The following CEP295 variants were observed in gnomAD, a reference collection of about 807,000 sequenced individuals.
CEP295 encodes the protein centrosomal protein of 295 kDa.
Under a neutral mutation model 291.6 loss-of-function variants are expected in CEP295, and 190 were observed. That is an observed-to-expected ratio of 0.65 (90% CI 0.58 to 0.73). The LOEUF (loss-of-function observed/expected upper bound fraction) is 0.73, where lower values mean the gene tolerates loss of function less well. Ranked by LOEUF, CEP295 falls within the 30% of genes least tolerant of loss-of-function variation. CEP295 has a pLI of 0.00. For missense variants in CEP295, 2,863 were observed against 2,949.4 expected, an observed-to-expected ratio of 0.97 and a Z score of 0.68; for synonymous variants, 993 against 1,038.8, an observed-to-expected ratio of 0.96 and a Z score of 0.85.
chr11:93,697,849 G>A lies in CEP295; in HGVS notation c.2937G>A (p.Gln979=). The A allele has an allele frequency of 6.4e-7, 1 of 1,551,698 alleles. No individual in the cohort carries two copies. Among genetic ancestry groups the A allele is most frequent in the Non-Finnish European group, 8.7e-7 (1 of 1,146,988 alleles). ...EAQEVLYVHK[Q]SELDRRVCSE... is the part of the protein sequence containing the mutation. Reference sequence around the variant, plus strand: ...AGGAAGTATTGTATGTACATAAACAGAGTGAATTGGATAGAAGAGTATGTT... The same window carrying A: ...AGGAAGTATTGTATGTACATAAACAAAGTGAATTGGATAGAAGAGTATGTT... The change falls in exon 15 of 30, where the codon CAG becomes CAA. Residue 979 remains glutamine, a synonymous_variant. Coordinates refer to ENST00000325212, the MANE Select transcript of CEP295 (RefSeq NM_033395.2).
At chr11:93,687,374 T>A (rs1169358219) in intron 9 of CEP295, among the ~76,000 whole-genome samples, 1 of 152,214 alleles carries the variant, frequency 6.6e-6, no homozygotes, top group Non-Finnish European at 1.5e-5. Flanking sequence ...CCTGATAAGT[T>A]TTTTAGGCTT....
At chr11:93,729,023 T>A (rs1372150986) in intron 25 of CEP295, 1 of 538,434 alleles carries the variant, frequency 1.9e-6, no homozygotes, top group Admixed American at 3.6e-5. Flanking sequence ...CCACTCCAAT[T>A]TATGCCTGTC....
chr11:93,722,034 G>C lies in CEP295; in HGVS notation c.5931G>C (p.Leu1977Phe), dbSNP rs199966374. 5.2e-6 allele frequency: 8 copies of C among 1,550,820 alleles called. No homozygotes were observed. Among genetic ancestry groups the C allele is most frequent in the Non-Finnish European group, 7.0e-6 (8 of 1,143,226 alleles). The change falls in exon 20 of 30, where the codon TTG becomes TTC. Residue 1977 changes from leucine to phenylalanine, a missense_variant. Leu to Phe is a conservative substitution (Grantham distance 22). Transcript: ENST00000325212. ...TTTTAAGTTATGAAAACACAGATTTGAGCCTTACAGATCCAGGTAATAAGG... is the reference window on the plus strand; with the variant it reads ...TTTTAAGTTATGAAAACACAGATTTCAGCCTTACAGATCCAGGTAATAAGG... ...GSLLSYENTD[L>F]SLTDPESFSE...
In CEP295 at chr11:93,706,898, G is replaced by T. The variant is rs566472770; in HGVS notation, c.5749+1G>T. ...TGTGGTGATGACTATGATGAAGCAG[G>T]TGAGAAATAAATGGAAAGTGGAATT... On this transcript the variant is annotated splice_donor_variant, in intron 18 of 29. Coordinates refer to ENST00000325212, the MANE Select transcript of CEP295 (RefSeq NM_033395.2). LOFTEE classifies it high-confidence loss of function. 43 of 1,527,046 alleles carry T rather than the reference G, an allele frequency of 2.8e-5. No individual in the cohort carries two copies. The highest frequency in any genetic ancestry group is 1.5e-4 in the Admixed American group (7 of 46,824). The allele number at this position is 1,527,046 out of a possible 1,614,324, so 94.6% of individuals were successfully genotyped here.
At position 93,720,785 on chromosome 11, in the gene CEP295, T is replaced by C. The variant is rs117207220; in HGVS notation, c.5750-527T>C. ...CTAATGTTTGTAATTTTTGTAGAGA[T>C]GAGGTTTCACTGTGTTGCCTAGGCT... On this transcript the variant is annotated intron_variant, in intron 18 of 29. Coordinates refer to ENST00000325212, the MANE Select transcript of CEP295 (RefSeq NM_033395.2). 8.0e-3 allele frequency among the ~76,000 whole-genome samples: 1,210 copies of C among 152,174 alleles called. 21 individuals carry two copies. The highest frequency in any genetic ancestry group is 0.053 in the East Asian group (272 of 5,168).
Position 93,695,541 on chromosome 11 carries a change from T to G in CEP295, c.1578T>G (p.Leu526=). The G allele has an allele frequency of 6.8e-7, 1 of 1,475,668 alleles. No individual in the cohort carries two copies. The highest frequency in any genetic ancestry group is 8.9e-7 in the Non-Finnish European group (1 of 1,122,460). 91.4% of individuals were successfully genotyped at this position (1,475,668 alleles called of 1,614,324 possible). The change falls in exon 13 of 30, where the codon CTT becomes CTG. Residue 526 remains leucine, a synonymous_variant. Transcript: ENST00000325212. ...EEQKQKQLEL[L]EQIEQQKLRL... is the part of the protein sequence containing the mutation. ...AGAAGCAAAAGCAATTGGAATTACT[T>G]GAACAAATTGAACAGCAGAAATTAA...
chr11:93,720,918 C>G (rs1281168505), intron 18 of CEP295, among the ~76,000 whole-genome samples: 4 of 152,094 alleles, frequency 2.6e-5, no homozygotes, highest in African/African-American at 9.7e-5. Context: ...TTTATTGTCT[C>G]TTTTATATGC....
At chr11:93,680,337 T>G (rs1393276168) in intron 7 of CEP295, among the ~76,000 whole-genome samples, 1 of 152,136 alleles carries the variant, frequency 6.6e-6, no homozygotes, top group Non-Finnish European at 1.5e-5. Context: ...CTCAGGCCTG[T>G]CTCAGGCCTG....
At chr11:93,684,310 G>A (rs1487435868) in intron 9 of CEP295, among the ~76,000 whole-genome samples, 182 bp downstream of exon 9, 2 of 152,188 alleles carry the variant, frequency 1.3e-5, no homozygotes, top group African/African-American at 4.8e-5. Flanking sequence ...TTTTTCATAT[G>A]TGTAGGAGGA....
intron 15 of CEP295, among the ~76,000 whole-genome samples, 175 bp from the exon 16 acceptor site, chr11:93,702,285 T>C (rs1952216467): frequency 6.6e-6 from 1 of 152,188 alleles, no homozygotes; most frequent in African/African-American, 2.4e-5. Context: ...AATGGAAATA[T>C]CCTTTTGGCA....
chr11:93,690,167 T>C (rs1951447419), intron 10 of CEP295, among the ~76,000 whole-genome samples: 1 of 152,198 alleles, frequency 6.6e-6, no homozygotes, highest in Non-Finnish European at 1.5e-5. Flanking sequence ...ATCCCAGCAC[T>C]TTGGGAGGCC....
At position 93,669,747 on chromosome 11, in the gene CEP295, C is replaced by T. The variant is rs1565429383; in HGVS notation, c.505C>T (p.Pro169Ser). The T allele has an allele frequency of 6.5e-7, 1 of 1,549,856 alleles. No homozygotes were observed. Among genetic ancestry groups the T allele is most frequent in the Non-Finnish European group, 8.7e-7 (1 of 1,145,520 alleles). The change falls in exon 5 of 30, where the codon CCT becomes TCT. Residue 169 changes from proline to serine, a missense_variant. Pro to Ser is a moderately conservative substitution (Grantham distance 74, BLOSUM62 -1). Around this residue, in one of 3 missense-constraint regions of CEP295, gnomAD observed 554 missense variants for 576.0 expected, o/e 0.96. Coordinates refer to ENST00000325212, the MANE Select transcript of CEP295 (RefSeq NM_033395.2). ...ATCAGCCAAAATTACAAGTCTGCCA[C>T]CTCCTCCTCCAACTCTTTTTGAGGT... ...ERSAKITSLP[P>S]PPPTLFENIE...
chr11:93,695,841 T>C (rs1951819855), intron 13 of CEP295, among the ~76,000 whole-genome samples: 1 of 152,014 alleles, frequency 6.6e-6, no homozygotes, highest in African/African-American at 2.4e-5. Flanking sequence ...TGAAACCCCA[T>C]CTCTACTAAA....
At chr11:93,725,621 T>C in intron 22 of CEP295, 30 bp from the exon 23 acceptor site, 1 of 1,515,792 alleles carries the variant, frequency 6.6e-7, no homozygotes, top group South Asian at 1.3e-5. Context: ...CTAATCAGTA[T>C]TTCAGCCTTT....
chr11:93,667,643 A>G lies in CEP295; in HGVS notation c.145A>G (p.Arg49Gly), dbSNP rs777856772. ...EQERDIALQI[R>G]EDIKQRRNQQ... ...AGAAAGAGATATCGCCTTACAGATA[A>G]GAGAAGACATAAAACAGAGGAGAAA... The change falls in exon 3 of 30, where the codon AGA becomes GGA. Residue 49 changes from arginine (R) to glycine (G), a missense_variant. By Grantham distance (125) the Arg-to-Gly change is moderately radical (BLOSUM62 -2). This residue lies in a region of CEP295 where 554 missense variants were observed against 576.0 expected (regional missense o/e 0.96). Transcript: ENST00000325212. 2 of 1,551,364 alleles carry G rather than the reference A, an allele frequency of 1.3e-6. No individual in the cohort carries two copies. The highest frequency in any genetic ancestry group is 1.7e-6 in the Non-Finnish European group (2 of 1,146,710).
At chr11:93,661,856 G>C (rs1178250937) in intron 1 of CEP295, 82 bp downstream of exon 1, 1 of 152,704 alleles carries the variant, frequency 6.5e-6, no homozygotes. Context: ...TTGTATTCCG[G>C]AGGAATGGGA....
Position 93,698,339 on chromosome 11 carries a change from C to G in CEP295, c.3427C>G (p.Pro1143Ala), listed in dbSNP as rs762549206. Residue 1143 changes from proline to alanine, a missense_variant, in exon 15 of 30, where the codon CCA becomes GCA. Pro to Ala is a conservative substitution (Grantham distance 27). This residue lies in a region of CEP295 where 2,295 missense variants were observed against 2,335.7 expected (regional missense o/e 0.98). Coordinates refer to ENST00000325212, the MANE Select transcript of CEP295 (RefSeq NM_033395.2). ...NVGPSCHLII[P>A]TFQDKSLSFP... ...AGGTCCCTCCTGTCATTTGATAATCCCAACATTTCAGGATAAGTCTCTTAG... is the reference window on the plus strand; with the variant it reads ...AGGTCCCTCCTGTCATTTGATAATCGCAACATTTCAGGATAAGTCTCTTAG... 2 of 1,552,016 alleles carry G rather than the reference C, an allele frequency of 1.3e-6. No homozygotes were observed. Among genetic ancestry groups the G allele is most frequent in the South Asian group, 2.4e-5 (2 of 84,054 alleles).
Position 93,697,216 on chromosome 11 carries a change from G to C in CEP295, c.2304G>C (p.Leu768Phe), listed in dbSNP as rs1951887242. Residue 768 changes from leucine to phenylalanine, a missense_variant, in exon 15 of 30, where the codon TTG (leucine) becomes TTC (phenylalanine). Leu to Phe is a conservative substitution (Grantham distance 22). Coordinates refer to ENST00000325212, the MANE Select transcript of CEP295 (RefSeq NM_033395.2). ...TTCAAAGTTTAGAATCCCAACAATTGTTCTCAGAGAATAGTGAAAATATAT... is the reference window on the plus strand; with the variant it reads ...TTCAAAGTTTAGAATCCCAACAATTCTTCTCAGAGAATAGTGAAAATATAT... ...TTFQSLESQQ[L>F]FSENSENISY... is the part of the protein sequence containing the mutation. The C allele has an allele frequency of 6.4e-7, 1 of 1,551,762 alleles. No homozygotes were observed. Among genetic ancestry groups the C allele is most frequent in the Non-Finnish European group, 8.7e-7 (1 of 1,146,994 alleles).
intron 5 of CEP295, 144 bp downstream of exon 5, chr11:93,669,914 A>G (rs886124382): frequency 2.1e-5 from 12 of 558,770 alleles, no homozygotes; most frequent in Non-Finnish European, 3.2e-5. Flanking sequence ...TATCTGGAGT[A>G]TGTTAAAATA....
Sources: allele counts gnomAD v4.1 joint callset (sites outside exome capture counted in the v4.1 genomes callset), GRCh38; gene constraint gnomAD v4.1.1; regional missense constraint gnomAD v4.1.1; transcripts MANE v1.5; gene names NCBI Gene and HGNC (gene_info 2026-07-23, HGNC 2026-07-21).